MCU: variants seen among roughly 807,000 people sequenced by gnomAD.
The protein encoded by MCU is calcium uniporter protein, mitochondrial.
Under a neutral mutation model 45.2 loss-of-function variants are expected in MCU, and 12 were observed. The ratio of observed to expected loss-of-function variants is 0.27; its 90% CI spans 0.17 to 0.43. The LOEUF is 0.43. MCU is among the 20% of genes least tolerant of loss of function. MCU has a pLI of 1.00. For missense variants in MCU, 324 were observed against 436.7 expected (o/e 0.74, Z 2.30); for synonymous variants, 160 against 165.1 (o/e 0.97, Z 0.24).
chr10:72,735,841 T>C (rs901771992), intron 1 of MCU, among the ~76,000 whole-genome samples: 3 of 152,180 alleles, frequency 2.0e-5, no homozygotes, highest in African/African-American at 7.2e-5. Flanking sequence ...TCTTCAACCT[T>C]GATATTAATA....
At chr10:72,835,323 C>T (rs1844941171) in intron 2 of MCU, among the ~76,000 whole-genome samples, 1 of 152,102 alleles carries the variant, frequency 6.6e-6, no homozygotes, top group Non-Finnish European at 1.5e-5. Flanking sequence ...ATTTCTCTTA[C>T]CCGGTATTGT....
chr10:72,828,640 G>C (rs1564568564), intron 1 of MCU, among the ~76,000 whole-genome samples: 1 of 152,032 alleles, frequency 6.6e-6, no homozygotes, highest in Non-Finnish European at 1.5e-5. Context: ...AACTATGAAA[G>C]ATGAATTAGG....
At chr10:72,735,704 A>G (rs1843243779) in intron 1 of MCU, among the ~76,000 whole-genome samples, 1 of 152,214 alleles carries the variant, frequency 6.6e-6, no homozygotes, top group Admixed American at 6.5e-5. Context: ...AATCAGATCT[A>G]TGTCACAAGA....
At position 72,834,343 on chromosome 10, in the gene MCU, C is replaced by CT. The variant is rs1446632245; in HGVS notation, c.151-12dup. 6.2e-6 allele frequency: 10 copies of CT among 1,607,932 alleles called. No homozygotes were observed. Among genetic ancestry groups the CT allele is most frequent in the Non-Finnish European group, 6.0e-6 (7 of 1,174,906 alleles). On this transcript the variant is annotated splice_polypyrimidine_tract_variant and intron_variant, in intron 1 of 7. Coordinates refer to ENST00000373053, the MANE Select transcript of MCU (RefSeq NM_138357.3). ...TGTTCCATTCTGACAGTAGATGTAT[C>CT]TTTTGTGTTTTCTAGGTACACCAGA...
At chr10:72,741,758 G>A (rs542341771) in intron 1 of MCU, among the ~76,000 whole-genome samples, 1 of 152,296 alleles carries the variant, frequency 6.6e-6, no homozygotes, top group East Asian at 1.9e-4. Flanking sequence ...ACTGGGCCTG[G>A]TGGCTCACGC....
At chr10:72,763,652 T>C (rs1345081542) in intron 1 of MCU, among the ~76,000 whole-genome samples, 1 of 152,142 alleles carries the variant, frequency 6.6e-6, no homozygotes, top group Non-Finnish European at 1.5e-5. Context: ...CTGTAGACAG[T>C]GGCATGACAT....
At chr10:72,727,237 G>A (rs1843113814) in intron 1 of MCU, among the ~76,000 whole-genome samples, 1 of 152,150 alleles carries the variant, frequency 6.6e-6, no homozygotes, top group South Asian at 2.1e-4. Flanking sequence ...GTTTTACACA[G>A]CAGATAACAT....
chr10:72,704,772 T>A (rs1389367099), intron 1 of MCU, among the ~76,000 whole-genome samples: 2 of 141,068 alleles, frequency 1.4e-5, no homozygotes, highest in Non-Finnish European at 3.0e-5. Context: ...TGGAGTGCAG[T>A]GGCGCGATCT....
rs146404957 is a variant in MCU, at chr10:72,810,043, CAT to C, written c.151-24313_151-24312del. Among the ~76,000 whole-genome samples the C allele has an allele frequency of 1.4e-4, 22 of 151,740 alleles. No individual in the cohort carries two copies. In the East Asian group the frequency reaches 1.7e-3, roughly 12 times the overall value. ...GTGTTTGTATGTGTGTGCGCGTGAACATATGTGTATGGGGGTGGACATAGTGT... is the reference window on the plus strand; with the variant it reads ...GTGTTTGTATGTGTGTGCGCGTGAACATGTGTATGGGGGTGGACATAGTGT... On this transcript the variant is annotated intron_variant, in intron 1 of 7. Transcript: ENST00000373053.
chr10:72,798,804 TTAATC>T (rs1410887332), intron 1 of MCU, among the ~76,000 whole-genome samples: 9 of 152,204 alleles, frequency 5.9e-5, no homozygotes, highest in Admixed American at 5.9e-4. Context: ...TGGATATAAT[TTAATC>T]TAAAGTATAG....
rs1330248625 is a variant in MCU, at chr10:72,744,056, A to C, written c.150+51755A>C. ...GTATTTATATGTATGTAAAACATATATATGTTATTTATATACATAAATATA... is the reference window on the plus strand; with the variant it reads ...GTATTTATATGTATGTAAAACATATCTATGTTATTTATATACATAAATATA... On this transcript the variant is annotated intron_variant, in intron 1 of 7. Coordinates refer to ENST00000373053, the MANE Select transcript of MCU (RefSeq NM_138357.3). Among the ~76,000 whole-genome samples the C allele has an allele frequency of 2.6e-5, 4 of 151,098 alleles. No individual in the cohort carries two copies. The East Asian group carries it at 7.7e-4, about 29-fold the overall frequency.
chr10:72,793,536 CA>C (rs1844199336), intron 1 of MCU, among the ~76,000 whole-genome samples: 1 of 152,016 alleles, frequency 6.6e-6, no homozygotes, highest in Non-Finnish European at 1.5e-5. Flanking sequence ...CAACAACCAT[CA>C]TTTTATTATT....
In MCU at chr10:72,873,088, G is replaced by A. The variant is rs1468477917; in HGVS notation, c.861+1508G>A. Among the ~76,000 whole-genome samples, 4 of 137,006 alleles carry A rather than the reference G, an allele frequency of 2.9e-5. No individual in the cohort carries two copies. The South Asian group carries it at 6.9e-4, about 24-fold the overall frequency. The allele number at this position is 137,006 out of a possible 152,430, so 89.9% of individuals were successfully genotyped here. A position where few individuals can be genotyped will look rare whatever the true frequency, so the allele number is the denominator to read the frequency against. ...GGCTGGAGTACAATGGCACGATCTC[G>A]GCTCACTGCAAGCTCCGCCTCCTGG... On this transcript the variant is annotated intron_variant, in intron 6 of 7. Transcript: ENST00000373053.
At chr10:72,692,752 C>G in intron 1 of MCU, 1 of 1,332,430 alleles carries the variant, frequency 7.5e-7, no homozygotes, top group Non-Finnish European at 9.6e-7. Context: ...AGGAGAGTGG[C>G]AGTGCCATGC....
chr10:72,785,165 G>A (rs1020804398), intron 1 of MCU, among the ~76,000 whole-genome samples: 3 of 152,336 alleles, frequency 2.0e-5, no homozygotes, highest in Admixed American at 6.5e-5. Context: ...GAAGCAAGTG[G>A]TAGTGGTGGC....
chr10:72,797,142 A>G (rs943325057), intron 1 of MCU, among the ~76,000 whole-genome samples: 4 of 152,112 alleles, frequency 2.6e-5, no homozygotes, highest in African/African-American at 9.7e-5. Context: ...TCTAAGAAGT[A>G]AAAGTCTCCT....
At chr10:72,735,255 G>A (rs1341198237) in intron 1 of MCU, among the ~76,000 whole-genome samples, 1 of 152,082 alleles carries the variant, frequency 6.6e-6, no homozygotes, top group African/African-American at 2.4e-5. Flanking sequence ...TTGTTAAAGT[G>A]TGTTGGGTTT....
chr10:72,747,570 G>A (rs1843432499), intron 1 of MCU, among the ~76,000 whole-genome samples: 1 of 152,166 alleles, frequency 6.6e-6, no homozygotes, highest in Non-Finnish European at 1.5e-5. Flanking sequence ...GGTGGCTTAT[G>A]CCTGTAATCC....
At chr10:72,727,886 G>T (rs1843121365) in intron 1 of MCU, among the ~76,000 whole-genome samples, 1 of 151,376 alleles carries the variant, frequency 6.6e-6, no homozygotes, top group East Asian at 1.9e-4. Flanking sequence ...AAGCCCAGTA[G>T]TTAATTTAAG....
Sources: allele counts gnomAD v4.1 joint callset (sites outside exome capture counted in the v4.1 genomes callset), GRCh38; gene constraint gnomAD v4.1.1; transcripts MANE v1.5; gene names NCBI Gene and HGNC (gene_info 2026-07-23, HGNC 2026-07-21).